The following KSR2 variants were observed in gnomAD, a reference collection of about 807,000 sequenced individuals.
The protein encoded by KSR2 is kinase suppressor of ras 2.
KSR2 carries 25 observed loss-of-function variants against 107.8 expected under a neutral mutation model. That is an observed-to-expected ratio of 0.23 (90% CI 0.17 to 0.32). The LOEUF (loss-of-function observed/expected upper bound fraction) is 0.32. Ranked by LOEUF, KSR2 falls within the 10% of genes least tolerant of loss-of-function variation. The pLI, the probability that KSR2 is intolerant of heterozygous loss-of-function variation, is 1.00. For synonymous variants in KSR2, 480 were observed against 507.0 expected, an observed-to-expected ratio of 0.95 and a Z score of 0.71; for missense variants, 887 against 1,268.9, an observed-to-expected ratio of 0.70 and a Z score of 4.57.
chr12:117,624,378 A>T (rs1413497781), intron 5 of KSR2, among the ~76,000 whole-genome samples: 2 of 152,142 alleles, frequency 1.3e-5, no homozygotes, highest in African/African-American at 4.8e-5. Context: ...TAAGTCTTTA[A>T]TCCATCTTGA....
At position 117,907,896 on chromosome 12, in the gene KSR2, C is replaced by T. The variant is rs905647216; in HGVS notation, c.181-47465G>A. On this transcript the variant is annotated intron_variant, in intron 1 of 19. Transcript: ENST00000339824. The surrounding 1 kb of genome is among the most constrained non-coding windows in gnomAD (Gnocchi z 4.3). ...AAAGGTATTCAAAATAATCACACTG[C>T]TTGTCTTATAGAGAGAAAAAAATCA... Among the ~76,000 whole-genome samples, 13 of 151,764 alleles carry T rather than the reference C, an allele frequency of 8.6e-5. No individual in the cohort carries two copies. The highest frequency in any genetic ancestry group is 3.1e-4 in the African/African-American group (13 of 41,276).
intron 7 of KSR2, among the ~76,000 whole-genome samples, chr12:117,575,066 C>A (rs1277346961): frequency 6.6e-6 from 1 of 152,154 alleles, no homozygotes; most frequent in Non-Finnish European, 1.5e-5. Context: ...AGCCCCCATC[C>A]TGATCCTTCT....
At chr12:117,788,207 C>T (rs1890141595) in intron 3 of KSR2, among the ~76,000 whole-genome samples, 3 of 152,196 alleles carry the variant, frequency 2.0e-5, no homozygotes, top group African/African-American at 7.2e-5. Flanking sequence ...TTACCAAGAT[C>T]TCCTCTGAAA....
chr12:117,702,047 C>T (rs143154612), intron 4 of KSR2, among the ~76,000 whole-genome samples: 10 of 152,310 alleles, frequency 6.6e-5, no homozygotes, highest in East Asian at 1.9e-4. Flanking sequence ...TCTCCTCAGC[C>T]GCACCATCCT....
chr12:117,542,506 C>A (rs1284339541), intron 9 of KSR2, among the ~76,000 whole-genome samples: 2 of 152,118 alleles, frequency 1.3e-5, no homozygotes, highest in African/African-American at 4.8e-5. Flanking sequence ...AGTCAAGATA[C>A]AGAACAGACC....
In KSR2 at chr12:117,525,145, G is replaced by T. The variant is rs770625841; in HGVS notation, c.1926C>A (p.Ala642=). ...GGCTGGCCTTGCGTGGGAAGCTCCG[G>T]GCCGAGAGGAGGGACAGGTTCATCT... ...FEEMNLSLLS[A]RSFPRKASQT... Residue 642 remains alanine, a synonymous_variant, in exon 14 of 20, where the codon GCC becomes GCA. Coordinates refer to ENST00000339824, the MANE Select transcript of KSR2 (RefSeq NM_173598.6). 3.1e-6 allele frequency: 5 copies of T among 1,613,964 alleles called. No individual in the cohort carries two copies. The Admixed American group carries it at 8.3e-5, about 27-fold the overall frequency.
intron 5 of KSR2, among the ~76,000 whole-genome samples, chr12:117,656,953 TATATAATAGGATATATATATATAATAGG>T (rs1884186343): frequency 1.9e-5 from 2 of 103,684 alleles, no homozygotes; most frequent in Non-Finnish European, 3.5e-5. Context: ...TATATATATA[TATATAATAGGATATATATATATAATAGG>T]ATATATATAT....
At chr12:117,586,104 T>G (rs551231140) in intron 5 of KSR2, among the ~76,000 whole-genome samples, 235 of 152,204 alleles carry the variant, frequency 1.5e-3, no homozygotes, top group African/African-American at 5.5e-3. Flanking sequence ...GGAACCAACA[T>G]TAACAAAGCA....
intron 3 of KSR2, among the ~76,000 whole-genome samples, chr12:117,853,814 A>G (rs557602296): frequency 6.6e-6 from 1 of 152,270 alleles, no homozygotes; most frequent in South Asian, 2.1e-4. Context: ...AAAGAGTAAC[A>G]TGACCTTTAC....
intron 5 of KSR2, among the ~76,000 whole-genome samples, chr12:117,590,033 G>A (rs188208857): frequency 2.0e-5 from 3 of 152,336 alleles, no homozygotes; most frequent in Admixed American, 1.3e-4. Flanking sequence ...AGTGATAAGA[G>A]ATGCTAGGGG....
At chr12:117,899,236 G>A (rs1894608278) in intron 1 of KSR2, among the ~76,000 whole-genome samples, 1 of 152,196 alleles carries the variant, frequency 6.6e-6, no homozygotes, top group Admixed American at 6.5e-5. Context: ...GCTCATGCTT[G>A]TAATCCTACT....
intron 7 of KSR2, among the ~76,000 whole-genome samples, chr12:117,570,395 C>T (rs1024472193): frequency 1.3e-5 from 2 of 152,124 alleles, no homozygotes; most frequent in African/African-American, 4.8e-5. Context: ...AACGACAGGA[C>T]AGCCCCCACA....
intron 5 of KSR2, among the ~76,000 whole-genome samples, chr12:117,660,040 C>A (rs1284809479): frequency 6.6e-6 from 1 of 152,184 alleles, no homozygotes; most frequent in African/African-American, 2.4e-5. Flanking sequence ...CTGCTACACC[C>A]TTTTCAGGTA....
intron 1 of KSR2, among the ~76,000 whole-genome samples, chr12:117,937,497 A>G (rs1422960921): frequency 2.6e-5 from 4 of 152,112 alleles, no homozygotes; most frequent in Non-Finnish European, 5.9e-5. Context: ...AATTAATGTT[A>G]TACTTTCAAA....
chr12:117,527,620 C>T (rs970381673), intron 12 of KSR2, among the ~76,000 whole-genome samples: 7 of 152,108 alleles, frequency 4.6e-5, no homozygotes, highest in Admixed American at 2.0e-4. Context: ...TGCATTCATG[C>T]GACTATTTAA....
intron 1 of KSR2, among the ~76,000 whole-genome samples, chr12:117,872,560 G>A (rs576362881): frequency 1.3e-4 from 19 of 149,096 alleles, no homozygotes; most frequent in African/African-American, 4.5e-4. Context: ...GCAAGACGCT[G>A]TCTCCAAAAA....
chr12:117,563,150 G>A lies in KSR2; in HGVS notation c.1326-4577C>T, dbSNP rs191047673. Among the ~76,000 whole-genome samples, 456 of 152,208 alleles carry A rather than the reference G, an allele frequency of 3.0e-3. 3 individuals are homozygous for A. Among genetic ancestry groups the A allele is most frequent in the African/African-American group, 0.01 (431 of 41,518 alleles). On this transcript the variant is annotated intron_variant, in intron 7 of 19. Transcript: ENST00000339824. The stretch of plus-strand genomic sequence containing the variant: ...ACCCATGGAAGAAAGAGCTACTAGC[G>A]TGTAATTTACCAGGAGACCACCTGC...
chr12:117,496,494 C>T (rs1479413838), intron 14 of KSR2, among the ~76,000 whole-genome samples: 10 of 152,114 alleles, frequency 6.6e-5, no homozygotes, highest in East Asian at 1.9e-4. Context: ...ATTCAAGATC[C>T]GCCCACTTGT....
intron 14 of KSR2, among the ~76,000 whole-genome samples, chr12:117,513,849 C>T (rs547557359): frequency 6.6e-5 from 10 of 152,342 alleles, no homozygotes; most frequent in African/African-American, 2.4e-4. Context: ...TCTGACCAAC[C>T]TGCATGAATT....
Sources: gnomAD v4.1 joint callset for allele counts (sites outside exome capture counted in the v4.1 genomes callset) on GRCh38, gnomAD v4.1.1 for gene constraint, Gnocchi (gnomAD v3.1) non-coding constraint, MANE v1.5 for transcripts, NCBI Gene and HGNC (gene_info 2026-07-23, HGNC 2026-07-21) for gene names.